VIPR2: variants seen among roughly 807,000 people sequenced by gnomAD.
The protein encoded by VIPR2 is vasoactive intestinal polypeptide receptor 2.
VIPR2 carries 48 observed loss-of-function variants against 58.0 expected under a neutral mutation model. The ratio of observed to expected loss-of-function variants is 0.83; its 90% CI spans 0.66 to 1.05. The LOEUF (loss-of-function observed/expected upper bound fraction) is 1.05, where lower values mean the gene tolerates loss of function less well. Among genes scored for constraint, VIPR2 ranks in the 50% least tolerant of loss-of-function variants. The probability of loss-of-function intolerance (pLI) is 0.00; values close to 1 mark genes in which losing one functional copy is unlikely to be tolerated. For missense variants in VIPR2, 534 were observed against 558.0 expected (o/e 0.96, Z 0.43); for synonymous variants, 243 against 235.2 (o/e 1.03, Z -0.30).
In VIPR2 at chr7:159,031,780, G is replaced by C. The variant is rs758793232; in HGVS notation, c.1143+48C>G. ...GGCACCAGGCTGGGCAGCATCTCAG[G>C]AAGCAAGTGAGTACCTGTGCTTGGT... On this transcript the variant is annotated intron_variant, in intron 12 of 12. Transcript: ENST00000262178. This position sits in a 1 kb window ranked among gnomAD's most constrained non-coding sequence, Gnocchi z 4.0. The C allele has an allele frequency of 6.2e-7, 1 of 1,613,412 alleles. No homozygotes were observed. Among genetic ancestry groups the C allele is most frequent in the East Asian group, 2.2e-5 (1 of 44,858 alleles).
intron 6 of VIPR2, among the ~76,000 whole-genome samples, chr7:159,042,440 C>G (rs1854409178): frequency 6.6e-6 from 1 of 152,196 alleles, no homozygotes; most frequent in African/African-American, 2.4e-5. Flanking sequence ...CCAATAACTA[C>G]TACAAATACA....
intron 2 of VIPR2, among the ~76,000 whole-genome samples, chr7:159,112,624 G>A (rs1796061068): frequency 6.9e-6 from 1 of 145,642 alleles, no homozygotes; most frequent in South Asian, 2.3e-4. Flanking sequence ...AAGGGTGGAG[G>A]ACGCTGCAGG....
intron 2 of VIPR2, among the ~76,000 whole-genome samples, chr7:159,139,341 G>A (rs1049694834): frequency 3.3e-5 from 5 of 152,154 alleles, no homozygotes; most frequent in African/African-American, 9.7e-5. Context: ...GCATCGGAGG[G>A]GGCCGCTCCC....
chr7:159,120,870 T>C (rs530152666), intron 2 of VIPR2, among the ~76,000 whole-genome samples: 1 of 152,288 alleles, frequency 6.6e-6, no homozygotes, highest in South Asian at 2.1e-4. Context: ...TAGTCTAAGG[T>C]ATGATTTGGT....
chr7:159,133,030 T>TGGCATACAGATTGATTTTAGA (rs1214138766), intron 2 of VIPR2, among the ~76,000 whole-genome samples: 3 of 142,302 alleles, frequency 2.1e-5, no homozygotes, highest in Admixed American at 7.1e-5. Flanking sequence ...ACAGAATGAT[T>TGGCATACAGATTGATTTTAGA]CCAAAAATGC....
chr7:159,094,165 C>T (rs925142764), intron 4 of VIPR2, among the ~76,000 whole-genome samples: 1 of 152,200 alleles, frequency 6.6e-6, no homozygotes, highest in African/African-American at 2.4e-5. Flanking sequence ...TGCTCCATCC[C>T]CATGGGAGCC....
chr7:159,082,525 G>A (rs1268447280), intron 4 of VIPR2, among the ~76,000 whole-genome samples: 3 of 152,186 alleles, frequency 2.0e-5, no homozygotes, highest in African/African-American at 7.2e-5. Flanking sequence ...GCTAAGTGAT[G>A]AGTTAATGGG....
In VIPR2 at chr7:159,068,650, T is replaced by G. The variant is rs3793221; in HGVS notation, c.358-10072A>C. Among the ~76,000 whole-genome samples the G allele has an allele frequency of 4.5e-4, 68 of 152,350 alleles. 2 individuals carry two copies. In the East Asian group the frequency reaches 0.012, roughly 27 times the overall value. On this transcript the variant is annotated intron_variant, in intron 4 of 12. Coordinates refer to ENST00000262178, the MANE Select transcript of VIPR2 (RefSeq NM_003382.5). ...GGAGAAAGCAGATCCCGCTGTTGGC[T>G]GCTGTGACGTTTGTTGTAGGAGTGG...
At chr7:159,115,422 C>T (rs920844497) in intron 2 of VIPR2, among the ~76,000 whole-genome samples, 1 of 152,230 alleles carries the variant, frequency 6.6e-6, no homozygotes, top group Non-Finnish European at 1.5e-5. Flanking sequence ...ATCCAAAATA[C>T]CTTTGAATCA....
intron 2 of VIPR2, among the ~76,000 whole-genome samples, chr7:159,141,723 T>A (rs1797473038): frequency 1.3e-5 from 2 of 152,250 alleles, no homozygotes; most frequent in African/African-American, 4.8e-5. Flanking sequence ...GGCAGGGCTA[T>A]TCTTGAATAA....
rs1857790517 is a variant in VIPR2, at chr7:159,095,709, G to A, written c.357+8048C>T. Among the ~76,000 whole-genome samples the A allele has an allele frequency of 6.6e-6, 1 of 152,176 alleles. No individual in the cohort carries two copies. Among genetic ancestry groups the A allele is most frequent in the Admixed American group, 6.5e-5 (1 of 15,284 alleles). The stretch of plus-strand genomic sequence containing the variant: ...CTTGGCCGTTATCCAGCCCACGGTG[G>A]TCTCCACGAGCCCCTGCTCCTGTCC... On this transcript the variant is annotated intron_variant, in intron 4 of 12. Coordinates refer to ENST00000262178, the MANE Select transcript of VIPR2 (RefSeq NM_003382.5). The surrounding 1 kb of genome is among the most constrained non-coding windows in gnomAD (Gnocchi z 5.2).
At chr7:159,117,296 A>T in intron 2 of VIPR2, 1 of 717,356 alleles carries the variant, frequency 1.4e-6, no homozygotes, top group Non-Finnish European at 2.6e-6. Context: ...TTAATTTCTC[A>T]ATGATTTTGT....
At chr7:159,080,145 C>G (rs1856830496) in intron 4 of VIPR2, among the ~76,000 whole-genome samples, 1 of 152,154 alleles carries the variant, frequency 6.6e-6, no homozygotes, top group South Asian at 2.1e-4. Flanking sequence ...GATACCAAAG[C>G]CTGGCAGAGA....
At chr7:159,041,700 G>T (rs1350625520) in intron 6 of VIPR2, among the ~76,000 whole-genome samples, 1 of 151,428 alleles carries the variant, frequency 6.6e-6, no homozygotes, top group Non-Finnish European at 1.5e-5. Flanking sequence ...GTCTTTCATG[G>T]GTCACTGCTT....
intron 4 of VIPR2, among the ~76,000 whole-genome samples, chr7:159,079,174 G>C (rs117412689): frequency 5.9e-5 from 9 of 152,210 alleles, no homozygotes; most frequent in Non-Finnish European, 8.8e-5. Context: ...CCCAACCACG[G>C]CTCCACCCGC....
chr7:159,064,609 T>TTTGGG (rs61441818), intron 4 of VIPR2, among the ~76,000 whole-genome samples: 134 of 152,116 alleles, frequency 8.8e-4, no homozygotes, highest in African/African-American at 3.2e-3. Flanking sequence ...AGGGCCTGGG[T>TTTGGG]TTGGGTCCTG....
rs372754965 is a variant in VIPR2 at position 159,097,287 on chromosome 7, G to A, written c.357+6470C>T. On this transcript the variant is annotated intron_variant, in intron 4 of 12. Transcript: ENST00000262178. This position sits in a 1 kb window ranked among gnomAD's most constrained non-coding sequence, Gnocchi z 5.3. ...TATTTTTAGGGATGTGGCGTAACAC[G>A]GAAGAAATGTGTGCACTTGAAGCAT... 8.2e-6 allele frequency: 11 copies of A among 1,342,700 alleles called. No individual in the cohort carries two copies. The highest frequency in any genetic ancestry group is 4.4e-5 in the African/African-American group (3 of 68,626). The allele number at this position is 1,342,700 out of a possible 1,614,324, so 83.2% of individuals were successfully genotyped here.
At chr7:159,108,865 C>T (rs1321813665) in intron 3 of VIPR2, among the ~76,000 whole-genome samples, 5 of 152,204 alleles carry the variant, frequency 3.3e-5, no homozygotes, top group Admixed American at 2.6e-4. Flanking sequence ...TTCAGGTTCT[C>T]TAAAGTGACT....
intron 4 of VIPR2, among the ~76,000 whole-genome samples, chr7:159,063,531 G>A (rs1434764278): frequency 2.0e-5 from 3 of 151,980 alleles, no homozygotes; most frequent in Non-Finnish European, 2.9e-5. Context: ...CTCCCTGCAA[G>A]CTGAGGGAGC....
Sources: allele counts gnomAD v4.1 joint callset (sites outside exome capture counted in the v4.1 genomes callset), GRCh38; gene constraint gnomAD v4.1.1; non-coding constraint Gnocchi (gnomAD v3.1); transcripts MANE v1.5; gene names NCBI Gene and HGNC (gene_info 2026-07-23, HGNC 2026-07-21).